LDB2: variants seen among roughly 807,000 people sequenced by gnomAD.
LDB2 encodes the protein LIM domain-binding protein 2.
A neutral mutation model predicts 44.3 loss-of-function variants in LDB2; 12 were observed. The observed-to-expected ratio is 0.27, with a 90% confidence interval of 0.17 to 0.44. LDB2 has a LOEUF of 0.44. Among genes scored for constraint, LDB2 ranks in the 20% least tolerant of loss-of-function variants. The probability of loss-of-function intolerance (pLI) is 1.00; values close to 1 mark genes in which losing one functional copy is unlikely to be tolerated. For synonymous variants in LDB2, 164 were observed against 174.8 expected (o/e 0.94, Z 0.49); for missense variants, 344 against 473.5 (o/e 0.73, Z 2.54).
chr4:16,599,624 G>C (rs1218905172), intron 2 of LDB2, among the ~76,000 whole-genome samples: 1 of 151,954 alleles, frequency 6.6e-6, no homozygotes, highest in East Asian at 1.9e-4. Context: ...ACAAGGGAGA[G>C]CAATAAAAAA....
In LDB2 at chr4:16,787,012, C is replaced by G. The variant is rs77368764; in HGVS notation, c.133-27752G>C. The stretch of plus-strand genomic sequence containing the variant: ...GTTTTAGGGTGCTGGAAGGGGGAAC[C>G]TATTGTTGATATCTAAATAAAGTCA... On this transcript the variant is annotated intron_variant, in intron 1 of 7. Coordinates refer to ENST00000304523, the MANE Select transcript of LDB2 (RefSeq NM_001290.5). 1.6e-3 allele frequency among the ~76,000 whole-genome samples: 248 copies of G among 152,182 alleles called. 2 individuals are homozygous for G. The highest frequency in any genetic ancestry group is 5.8e-3 in the African/African-American group (241 of 41,528).
At chr4:16,873,373 T>C (rs1345943252) in intron 1 of LDB2, among the ~76,000 whole-genome samples, 1 of 152,190 alleles carries the variant, frequency 6.6e-6, no homozygotes, top group Non-Finnish European at 1.5e-5. Context: ...TGGAGTGGGC[T>C]GCCTATCACT....
chr4:16,870,438 A>G (rs1716163422), intron 1 of LDB2, among the ~76,000 whole-genome samples: 1 of 116,046 alleles, frequency 8.6e-6, no homozygotes, highest in Admixed American at 9.1e-5. Flanking sequence ...GGGCTCTGCA[A>G]TCCTGCTGAA....
intron 5 of LDB2, among the ~76,000 whole-genome samples, chr4:16,577,199 T>C (rs1310205964): frequency 6.6e-6 from 1 of 152,184 alleles, no homozygotes; most frequent in Non-Finnish European, 1.5e-5. Context: ...TTATCACTGT[T>C]ATTCAACATA....
intron 2 of LDB2, among the ~76,000 whole-genome samples, chr4:16,688,799 T>C (rs1456386876): frequency 3.9e-5 from 6 of 152,264 alleles, no homozygotes; most frequent in Non-Finnish European, 8.8e-5. Flanking sequence ...TCAAAATCTC[T>C]AGCTTCTATT....
At chr4:16,695,858 T>C (rs1480476559) in intron 2 of LDB2, among the ~76,000 whole-genome samples, 2 of 152,188 alleles carry the variant, frequency 1.3e-5, no homozygotes, top group African/African-American at 4.8e-5. Flanking sequence ...AATGTAAACA[T>C]CATTCTTAGC....
At chr4:16,673,442 C>T (rs1462822893) in intron 2 of LDB2, among the ~76,000 whole-genome samples, 5 of 152,264 alleles carry the variant, frequency 3.3e-5, no homozygotes, top group South Asian at 2.1e-4. Flanking sequence ...GATTTTGTGT[C>T]GCTTTTGAAA....
At chr4:16,504,961 G>A (rs1254992520) in intron 7 of LDB2, among the ~76,000 whole-genome samples, 1 of 152,176 alleles carries the variant, frequency 6.6e-6, no homozygotes, top group Non-Finnish European at 1.5e-5. Context: ...CCAACCAAGT[G>A]GGTCTGCATT....
rs565178050 is a variant in LDB2, at chr4:16,813,902, G to A, written c.133-54642C>T. On this transcript the variant is annotated intron_variant, in intron 1 of 7. Transcript: ENST00000304523. ...CTTTTTTTTTTTTTGAGAGGAGTCT[G>A]GCTCTGTCGCCCAGGCTGGAGTGCA... Among the ~76,000 whole-genome samples the A allele has an allele frequency of 1.5e-4, 22 of 149,644 alleles. No individual in the cohort carries two copies. In the South Asian group the frequency reaches 4.2e-3, roughly 29 times the overall value.
At chr4:16,591,715 G>A (rs1425287946) in intron 3 of LDB2, among the ~76,000 whole-genome samples, 7 of 152,078 alleles carry the variant, frequency 4.6e-5, no homozygotes, top group African/African-American at 1.7e-4. Flanking sequence ...CAAATGGAAT[G>A]GAGGCAAATA....
intron 3 of LDB2, among the ~76,000 whole-genome samples, chr4:16,595,162 C>T (rs1358942066): frequency 6.6e-6 from 1 of 151,478 alleles, no homozygotes; most frequent in Non-Finnish European, 1.5e-5. Context: ...CTGACACTTG[C>T]CCTCCCCTCA....
chr4:16,859,772 C>G (rs539262807), intron 1 of LDB2, among the ~76,000 whole-genome samples: 1 of 152,274 alleles, frequency 6.6e-6, no homozygotes, highest in South Asian at 2.1e-4. Flanking sequence ...GAAAAAGAAG[C>G]AATGTTCATT....
chr4:16,877,069 A>T (rs1409143231), intron 1 of LDB2, among the ~76,000 whole-genome samples: 1 of 152,166 alleles, frequency 6.6e-6, no homozygotes, highest in Non-Finnish European at 1.5e-5. Flanking sequence ...CACCACACCT[A>T]ACTAGAGCTT....
intron 1 of LDB2, among the ~76,000 whole-genome samples, chr4:16,781,937 C>T (rs948647749): frequency 1.3e-5 from 2 of 152,206 alleles, no homozygotes; most frequent in African/African-American, 4.8e-5. Context: ...ATGAGAAACA[C>T]ATGGGACAGA....
chr4:16,539,997 G>A (rs1046612730), intron 5 of LDB2, among the ~76,000 whole-genome samples: 1 of 152,162 alleles, frequency 6.6e-6, no homozygotes, highest in Non-Finnish European at 1.5e-5. Context: ...TGACTAGGAG[G>A]CCTCAGGAAA....
chr4:16,891,574 G>C (rs563651870), intron 1 of LDB2, among the ~76,000 whole-genome samples: 3 of 152,068 alleles, frequency 2.0e-5, no homozygotes, highest in Non-Finnish European at 4.4e-5. Flanking sequence ...GCTTCCCAAA[G>C]TGCTGGGATT....
chr4:16,842,215 ACC>A (rs1355200860), intron 1 of LDB2, among the ~76,000 whole-genome samples: 3 of 152,118 alleles, frequency 2.0e-5, no homozygotes, highest in Non-Finnish European at 4.4e-5. Context: ...GGGAATTTAA[ACC>A]TTTGGCTGCT....
At chr4:16,897,729 A>G (rs1193836050) in intron 1 of LDB2, among the ~76,000 whole-genome samples, 1 of 151,634 alleles carries the variant, frequency 6.6e-6, no homozygotes, top group Non-Finnish European at 1.5e-5. Flanking sequence ...GCCCCAAGCA[A>G]CTGGTTTCTG....
At chr4:16,727,713 A>G (rs1257160569) in intron 2 of LDB2, among the ~76,000 whole-genome samples, 1 of 152,154 alleles carries the variant, frequency 6.6e-6, no homozygotes, top group East Asian at 1.9e-4. Context: ...ATTTTTATCT[A>G]GCATCCCACT....
Sources: gnomAD v4.1 joint callset for allele counts (sites outside exome capture counted in the v4.1 genomes callset) on GRCh38, gnomAD v4.1.1 for gene constraint, MANE v1.5 for transcripts, NCBI Gene and HGNC (gene_info 2026-07-23, HGNC 2026-07-21) for gene names.